The following EML1 variants were observed in gnomAD, a reference collection of about 807,000 sequenced individuals.
The protein encoded by EML1 is echinoderm microtubule-associated protein-like 1.
Under a neutral mutation model 110.4 loss-of-function variants are expected in EML1, and 27 were observed. The observed-to-expected ratio is 0.24, with a 90% CI of 0.18 to 0.34. EML1 has a LOEUF of 0.34. Among genes scored for constraint, EML1 ranks in the 10% least tolerant of loss-of-function variants. EML1 has a pLI of 1.00. For missense variants in EML1, 741 were observed against 1,030.9 expected, an observed-to-expected ratio of 0.72 and a Z score of 3.85; for synonymous variants, 344 against 385.8, an observed-to-expected ratio of 0.89 and a Z score of 1.27.
At chr14:99,901,347 G>C (rs1463566934) in intron 9 of EML1, among the ~76,000 whole-genome samples, 1 of 152,108 alleles carries the variant, frequency 6.6e-6, no homozygotes, top group African/African-American at 2.4e-5. Flanking sequence ...AATTTCACCT[G>C]CTTCTTTCAA....
At chr14:99,841,707 A>G (rs193182096) in intron 1 of EML1, among the ~76,000 whole-genome samples, 1 of 152,318 alleles carries the variant, frequency 6.6e-6, no homozygotes, top group East Asian at 1.9e-4. Flanking sequence ...CAGCTAAGAC[A>G]TCTGCATCAA....
At position 99,939,878 on chromosome 14, in the gene EML1, G is replaced by T; in HGVS notation, c.2323-109G>T. The T allele has an allele frequency of 7.4e-7, 1 of 1,352,310 alleles. No homozygotes were observed. The highest frequency in any genetic ancestry group is 9.8e-7 in the Non-Finnish European group (1 of 1,022,396). The allele number at this position is 1,352,310 out of a possible 1,614,324, so 83.8% of individuals were successfully genotyped here. On this transcript the variant is annotated intron_variant, in intron 21 of 21. Transcript: ENST00000262233. The surrounding 1 kb of genome is among the most constrained non-coding windows in gnomAD (Gnocchi z 4.2). ...GGTTCCCAAGTGAGAGCTGCCGAGCGGAGGGCGAGTAAAGGAATTAAGGCA... is the reference window on the plus strand; with the variant it reads ...GGTTCCCAAGTGAGAGCTGCCGAGCTGAGGGCGAGTAAAGGAATTAAGGCA...
At chr14:99,870,455 T>C (rs1350174608) in intron 3 of EML1, among the ~76,000 whole-genome samples, 3 of 152,218 alleles carry the variant, frequency 2.0e-5, no homozygotes, top group Non-Finnish European at 4.4e-5. Flanking sequence ...CTAAGATAAC[T>C]GGTGAAAGCA....
At chr14:99,819,778 G>A (rs1476811323) in intron 1 of EML1, among the ~76,000 whole-genome samples, 2 of 152,172 alleles carry the variant, frequency 1.3e-5, no homozygotes, top group African/African-American at 2.4e-5. Flanking sequence ...CTCTCGCACC[G>A]AGCATCCCTC....
At chr14:99,883,982 T>C (rs774344154) in intron 4 of EML1, among the ~76,000 whole-genome samples, 1 of 152,246 alleles carries the variant, frequency 6.6e-6, no homozygotes, top group Admixed American at 6.5e-5. Flanking sequence ...TGGGCCTTTA[T>C]TGCCACAGCC....
In EML1 at chr14:99,781,188, T is replaced by C. The variant is rs1461692360; in HGVS notation, c.-27+7175T>C. 6.6e-6 allele frequency among the ~76,000 whole-genome samples: 1 copy of C among 152,064 alleles called. No homozygotes were observed. The highest frequency in any genetic ancestry group is 6.6e-5 in the Admixed American group (1 of 15,262). On this transcript the variant is annotated intron_variant, in intron 1 of 22. Transcript: ENST00000327921. This position sits in a 1 kb window ranked among gnomAD's most constrained non-coding sequence, Gnocchi z 4.2. ...GTCCCCAGCTTCTAATTCTTTCCTCTAATTCTTTCCTCCTCCCATCAAGTG... is the reference window on the plus strand; with the variant it reads ...GTCCCCAGCTTCTAATTCTTTCCTCCAATTCTTTCCTCCTCCCATCAAGTG...
intron 2 of EML1, among the ~76,000 whole-genome samples, chr14:99,860,695 C>T (rs2058988765): frequency 6.6e-6 from 1 of 152,096 alleles, no homozygotes; most frequent in Non-Finnish European, 1.5e-5. Context: ...GTTACAAAAA[C>T]CCAAGGATGT....
At chr14:99,855,979 C>G (rs780978225) in intron 2 of EML1, among the ~76,000 whole-genome samples, 4 of 152,198 alleles carry the variant, frequency 2.6e-5, no homozygotes, top group African/African-American at 9.6e-5. Context: ...GCACTTAACA[C>G]TGATATTCAG....
chr14:99,802,981 C>T (rs2057909503), intron 1 of EML1, among the ~76,000 whole-genome samples: 1 of 152,102 alleles, frequency 6.6e-6, no homozygotes, highest in African/African-American at 2.4e-5. Flanking sequence ...CCCCAGGTGC[C>T]CTTCCTTCGT....
Position 99,793,449 on chromosome 14 carries a change from G to A in EML1, c.-28G>A. ...AGCGGCGGCGGCGCGGCCGGGCCGGGGAGCGGGCGCGGCCCGGCGGCCTCA... is the reference window on the plus strand; with the variant it reads ...AGCGGCGGCGGCGCGGCCGGGCCGGAGAGCGGGCGCGGCCCGGCGGCCTCA... On this transcript the variant is annotated 5_prime_UTR_variant, in exon 1 of 22. Transcript: ENST00000262233. The A allele has an allele frequency of 9.6e-7, 1 of 1,040,816 alleles. No homozygotes were observed. The highest frequency in any genetic ancestry group is 4.4e-5 in the South Asian group (1 of 22,938). The allele number at this position is 1,040,816 out of a possible 1,614,324, so 64.5% of individuals were successfully genotyped here.
chr14:99,753,415 C>T (rs925374170), intron 1 of EML1, among the ~76,000 whole-genome samples: 21 of 151,866 alleles, frequency 1.4e-4, no homozygotes, highest in Non-Finnish European at 2.6e-4. Flanking sequence ...CTGCCCAGGA[C>T]CCGCCCTCAC....
intron 1 of EML1, among the ~76,000 whole-genome samples, chr14:99,825,311 A>T (rs1054597110): frequency 1.3e-5 from 2 of 152,168 alleles, no homozygotes. Context: ...CCAGTCCTTC[A>T]TTGATGGACA....
rs114316536 is a variant in EML1, at chr14:99,842,211, T to C, written c.68-8642T>C. On this transcript the variant is annotated intron_variant, in intron 1 of 21. Transcript: ENST00000262233. ...TGAAATTCAGATGAAGTTTCACATC[T>C]TGTGCTGTGGAATCCTATGAAATGC... Among the ~76,000 whole-genome samples the C allele has an allele frequency of 3.4e-3, 513 of 152,370 alleles. 5 individuals carry two copies. The highest frequency in any genetic ancestry group is 0.012 in the African/African-American group (490 of 41,588).
At chr14:99,850,193 C>A in intron 1 of EML1, 1 of 904,116 alleles carries the variant, frequency 1.1e-6, no homozygotes, top group East Asian at 6.2e-5. Flanking sequence ...CCTACCTCAG[C>A]CTCCCAAAGT....
intron 17 of EML1, among the ~76,000 whole-genome samples, chr14:99,922,246 G>T (rs2060142347): frequency 6.6e-6 from 1 of 151,930 alleles, no homozygotes; most frequent in Non-Finnish European, 1.5e-5. Context: ...CTCCCGAGTA[G>T]CTGGGATTAC....
chr14:99,739,108 G>C (rs78375584), intron 1 of EML1, among the ~76,000 whole-genome samples: 92 of 84,606 alleles, frequency 1.1e-3, no homozygotes, highest in African/African-American at 3.3e-3. Context: ...GAGAGACAGA[G>C]AGAGAGAGAG....
At chr14:99,931,573 C>T (rs1431964024) in intron 17 of EML1, among the ~76,000 whole-genome samples, 1 of 152,108 alleles carries the variant, frequency 6.6e-6, no homozygotes, top group African/African-American at 2.4e-5. Context: ...CAAATCCTAG[C>T]TTATTTCAGT....
At chr14:99,865,072 G>A (rs1392283500) in intron 2 of EML1, among the ~76,000 whole-genome samples, 1 of 152,096 alleles carries the variant, frequency 6.6e-6, no homozygotes, top group African/African-American at 2.4e-5. Flanking sequence ...ATTATTTATT[G>A]TGTACCTTCT....
upstream of EML1, chr14:99,793,347 G>C (rs2057703983): frequency 2.0e-6 from 2 of 985,592 alleles, no homozygotes; most frequent in East Asian, 1.1e-4. Flanking sequence ...CATGGTAACC[G>C]GCAGCAGCAG....
Sources: allele counts gnomAD v4.1 joint callset (sites outside exome capture counted in the v4.1 genomes callset), GRCh38; gene constraint gnomAD v4.1.1; non-coding constraint Gnocchi (gnomAD v3.1); transcripts MANE v1.5; gene names NCBI Gene and HGNC (gene_info 2026-07-23, HGNC 2026-07-21).